NUP93: variants seen among roughly 807,000 people sequenced by gnomAD.
The protein encoded by NUP93 is nucleoporin 93, also known as nuclear pore complex protein Nup93.
NUP93 carries 55 observed loss-of-function variants against 107.8 expected under a neutral mutation model. The ratio of observed to expected loss-of-function variants is 0.51; its 90% CI spans 0.41 to 0.64. The LOEUF (loss-of-function observed/expected upper bound fraction) is 0.64. Ranked by LOEUF, NUP93 falls within the 30% of genes least tolerant of loss-of-function variation. NUP93 has a pLI of 0.00. For missense variants in NUP93, 937 were observed against 1,044.7 expected (o/e 0.90, Z 1.42); for synonymous variants, 390 against 397.5 (o/e 0.98, Z 0.22).
In NUP93 at chr16:56,849,427, C is replaced by T. The variant is rs1378745044; in HGVS notation, c.*4818C>T. ...TGCCTTTGCCCTTGAGCTTCTATTT[C>T]TTGGGGATGGGGAGGGCAAAAAAGT... On this transcript the variant is annotated 3_prime_UTR_variant, in exon 22 of 22. Transcript: ENST00000308159. 2.0e-5 allele frequency: 3 copies of T among 152,202 alleles called. No individual in the cohort carries two copies. The highest frequency in any genetic ancestry group is 4.4e-5 in the Non-Finnish European group (3 of 68,048). 9.4% of individuals were successfully genotyped at this position (152,202 alleles called of 1,614,324 possible). A position where few individuals can be genotyped will look rare whatever the true frequency, so the allele number is the denominator to read the frequency against.
chr16:56,839,018 G>C lies in NUP93; in HGVS notation c.2085G>C (p.Leu695Phe). 1 of 1,613,992 alleles carries C rather than the reference G, an allele frequency of 6.2e-7. No homozygotes were observed. Among genetic ancestry groups the C allele is most frequent in the South Asian group, 1.1e-5 (1 of 91,064 alleles). ...VDSTFYLLLD[L>F]ITFFDEYHSG... ...CCACGTTCTATCTTCTTTTGGACTT[G>C]ATCACCTTTTTTGACGAGTATCATA... The change falls in exon 19 of 22, where the codon TTG becomes TTC. Residue 695 changes from leucine to phenylalanine, a missense_variant. Leu to Phe is a conservative substitution (Grantham distance 22, BLOSUM62 0). Coordinates refer to ENST00000308159, the MANE Select transcript of NUP93 (RefSeq NM_014669.5).
intron 1 of NUP93, among the ~76,000 whole-genome samples, chr16:56,736,743 G>A (rs574876862): frequency 6.6e-6 from 1 of 152,332 alleles, no homozygotes; most frequent in Non-Finnish European, 1.5e-5. Context: ...GAGTGCACGG[G>A]GGCAGGTGTG....
chr16:56,820,725 C>T (rs1449471030), intron 6 of NUP93, among the ~76,000 whole-genome samples: 1 of 152,202 alleles, frequency 6.6e-6, no homozygotes, highest in Non-Finnish European at 1.5e-5. Context: ...TCTAACATCA[C>T]TACTATGGGA....
intron 5 of NUP93, among the ~76,000 whole-genome samples, chr16:56,813,145 CA>C (rs1325381122): frequency 1.3e-5 from 2 of 152,154 alleles, no homozygotes; most frequent in East Asian, 1.9e-4. Flanking sequence ...TAACATTCCA[CA>C]CTATGATATG....
At chr16:56,733,176 C>T (rs771525829) in intron 1 of NUP93, among the ~76,000 whole-genome samples, 1 of 152,004 alleles carries the variant, frequency 6.6e-6, no homozygotes, top group African/African-American at 2.4e-5. Flanking sequence ...GGGAAGGCAG[C>T]GAGGGATGAG....
At chr16:56,823,890 G>T in intron 8 of NUP93, 44 bp downstream of exon 8, 2 of 1,598,106 alleles carry the variant, frequency 1.3e-6, no homozygotes, top group Non-Finnish European at 1.7e-6. Flanking sequence ...CACATCCTTT[G>T]CAGTCAACTG....
chr16:56,741,470 T>C (rs1376833618), intron 1 of NUP93, among the ~76,000 whole-genome samples: 1 of 152,244 alleles, frequency 6.6e-6, no homozygotes, highest in Non-Finnish European at 1.5e-5. Context: ...CAGTCTGGAT[T>C]GGAACCAGGT....
At chr16:56,794,025 A>G (rs551075907) in intron 3 of NUP93, among the ~76,000 whole-genome samples, 1 of 152,196 alleles carries the variant, frequency 6.6e-6, no homozygotes, top group South Asian at 2.1e-4. Context: ...ACTGCACTCT[A>G]GCCTGGGTGG....
intron 1 of NUP93, among the ~76,000 whole-genome samples, chr16:56,732,223 T>TC: frequency 6.6e-6 from 1 of 152,204 alleles, no homozygotes; most frequent in Non-Finnish European, 1.5e-5. Context: ...ATTGTTGTCT[T>TC]CCCCCTGTAG....
chr16:56,808,223 ATATAAAATATATAGTTATG>A (rs1963204162), intron 5 of NUP93, among the ~76,000 whole-genome samples: 2 of 81,162 alleles, frequency 2.5e-5, no homozygotes, highest in African/African-American at 1.1e-4. Context: ...TTATGTAACT[ATATAAAATATATAGTTATG>A]TAACTATATA....
At chr16:56,829,171 A>G (rs1963729935) in intron 9 of NUP93, 62 bp downstream of exon 9, 1 of 1,556,512 alleles carries the variant, frequency 6.4e-7, no homozygotes, top group African/African-American at 1.4e-5. Context: ...TCAGATGGGC[A>G]TTTTCAGTTA....
At chr16:56,833,434 A>G in intron 13 of NUP93, 28 bp downstream of exon 13, 1 of 1,489,342 alleles carries the variant, frequency 6.7e-7, no homozygotes, top group Non-Finnish European at 8.9e-7. Flanking sequence ...GATTGACAGT[A>G]ATGTAACCAC....
chr16:56,807,645 T>A (rs140436929), intron 5 of NUP93, among the ~76,000 whole-genome samples: 61 of 152,312 alleles, frequency 4.0e-4, no homozygotes, highest in African/African-American at 1.2e-3. Flanking sequence ...TAAGTAGCCC[T>A]TTTCTTAATT....
intron 3 of NUP93, among the ~76,000 whole-genome samples, chr16:56,794,646 A>G (rs1962850285): frequency 6.6e-6 from 1 of 151,874 alleles, no homozygotes; most frequent in Non-Finnish European, 1.5e-5. Context: ...AGAATGGGAT[A>G]GGCTGGGCGC....
chr16:56,781,119 G>A (rs1962506520), intron 3 of NUP93, among the ~76,000 whole-genome samples: 1 of 152,170 alleles, frequency 6.6e-6, no homozygotes, highest in Non-Finnish European at 1.5e-5. Flanking sequence ...GCAGTAGAAT[G>A]GGAATATTCA....
chr16:56,738,134 T>A (rs1186690373), intron 1 of NUP93, among the ~76,000 whole-genome samples: 1 of 152,210 alleles, frequency 6.6e-6, no homozygotes, highest in Non-Finnish European at 1.5e-5. Flanking sequence ...CATCTCACAT[T>A]TGTAAATTCT....
At chr16:56,736,504 G>A (rs1248861534) in intron 1 of NUP93, among the ~76,000 whole-genome samples, 2 of 152,212 alleles carry the variant, frequency 1.3e-5, no homozygotes, top group African/African-American at 2.4e-5. Context: ...ATCTACATGT[G>A]TTTGGTTTCT....
At chr16:56,808,221 CTATATAAAATATATAGTTAT>C (rs1963203963) in intron 5 of NUP93, among the ~76,000 whole-genome samples, 1 of 49,610 alleles carries the variant, frequency 2.0e-5, no homozygotes, top group African/African-American at 8.5e-5. Flanking sequence ...AGTTATGTAA[CTATATAAAATATATAGTTAT>C]GTAACTATAT....
intron 2 of NUP93, among the ~76,000 whole-genome samples, chr16:56,752,889 C>G: frequency 6.6e-6 from 1 of 152,138 alleles, no homozygotes; most frequent in East Asian, 1.9e-4. Context: ...GGTACCTAGA[C>G]CATTCATTGT....
Sources: gnomAD v4.1 joint callset for allele counts (sites outside exome capture counted in the v4.1 genomes callset) on GRCh38, gnomAD v4.1.1 for gene constraint, MANE v1.5 for transcripts, NCBI Gene and HGNC (gene_info 2026-07-23, HGNC 2026-07-21) for gene names.